APBB1: variants seen among roughly 807,000 people sequenced by gnomAD.
The protein encoded by APBB1 is adaptor protein FE65a2.
In APBB1, 22 loss-of-function variants were observed where a neutral mutation model predicts 78.4. The observed-to-expected ratio is 0.28, with a 90% CI of 0.20 to 0.40. The LOEUF is 0.40. Ranked by LOEUF, APBB1 falls within the 10% of genes least tolerant of loss-of-function variation. The pLI is 1.00. For missense variants in APBB1, 749 were observed against 932.4 expected (o/e 0.80, Z 2.56); for synonymous variants, 369 against 372.7 (o/e 0.99, Z 0.12).
intron 2 of APBB1, chr11:6,405,697 C>G (rs547745602): frequency 2.0e-6 from 2 of 985,574 alleles, no homozygotes; most frequent in East Asian, 2.3e-4. Flanking sequence ...AGGAGGGGCT[C>G]TTGCCCATCC....
chr11:6,412,985 C>A (rs924656240), intron 1 of APBB1, among the ~76,000 whole-genome samples: 2 of 152,096 alleles, frequency 1.3e-5, no homozygotes, highest in African/African-American at 4.8e-5. Context: ...TCCCAACTAT[C>A]CTTCCAGCCC....
intron 12 of APBB1, among the ~76,000 whole-genome samples, chr11:6,398,673 G>T (rs576460585): frequency 6.8e-4 from 104 of 152,246 alleles, no homozygotes; most frequent in African/African-American, 2.3e-3. Context: ...AAGGCGTAAG[G>T]GTCAGCATGC....
chr11:6,411,028 G>T lies in APBB1; in HGVS notation c.320C>A (p.Pro107His). The T allele has an allele frequency of 6.2e-7, 1 of 1,614,100 alleles. No individual in the cohort carries two copies. Among genetic ancestry groups the T allele is most frequent in the Non-Finnish European group, 8.5e-7 (1 of 1,180,036 alleles). ...EEASQEPEMA[P>H]LGPKGLIHLY... ...GTGTATCAGGCCTTTGGGGCCCAAGGGTGCCATCTCAGGCTCCTGGCTGGC... is the reference window on the plus strand; with the variant it reads ...GTGTATCAGGCCTTTGGGGCCCAAGTGTGCCATCTCAGGCTCCTGGCTGGC... Residue 107 changes from proline (P) to histidine (H), a missense_variant, in exon 2 of 15, where the codon CCC (proline) becomes CAC (histidine). Coordinates refer to ENST00000609360, the MANE Select transcript of APBB1 (RefSeq NM_001164.5). The surrounding 1 kb of genome is among the most constrained non-coding windows in gnomAD (Gnocchi z 5.2).
chr11:6,403,776 C>T lies in APBB1; in HGVS notation c.768G>A (p.Pro256=), dbSNP rs371736271. Residue 256 remains proline (P), a synonymous_variant, in exon 3 of 15, where the codon CCG becomes CCA. Transcript: ENST00000609360. The surrounding 1 kb of genome is among the most constrained non-coding windows in gnomAD (Gnocchi z 5.3). ...TGTCCTGGACCCTCATCCATCCAGC[C>T]GGCAGGTCGGAATCCGTCTCGAAGG... The part of the protein sequence containing the change: ...PNAFETDSDL[P]AGWMRVQDTS... 1.6e-5 allele frequency: 26 copies of T among 1,585,950 alleles called. No individual in the cohort carries two copies. The African/African-American group carries it at 2.0e-4, about 12-fold the overall frequency.
Position 6,396,150 on chromosome 11 carries a change from G to T in APBB1, c.1738C>A (p.Pro580Thr). The T allele has an allele frequency of 6.4e-7, 1 of 1,553,622 alleles. No individual in the cohort carries two copies. The highest frequency in any genetic ancestry group is 8.7e-7 in the Non-Finnish European group (1 of 1,148,108). ...LSSSSREQWT[P>T]SHVSVAPATL... The stretch of plus-strand genomic sequence containing the variant: ...GCAGGGGCCACACTGACATGACTTG[G>T]GGTCCATTGTTCACGGCTGCTGGAG... Residue 580 changes from proline (P) to threonine (T), a missense_variant, in exon 13 of 15, where the codon CCA (proline) becomes ACA (threonine). Pro to Thr is a conservative substitution (Grantham distance 38). Coordinates refer to ENST00000609360, the MANE Select transcript of APBB1 (RefSeq NM_001164.5).
At chr11:6,404,638 G>A (rs770305994) in intron 2 of APBB1, 68 of 1,536,080 alleles carry the variant, frequency 4.4e-5, no homozygotes, top group South Asian at 5.9e-5. Context: ...CTTGTCTGCC[G>A]GCAGAGCCAC....
At chr11:6,402,406 C>T in intron 7 of APBB1, 170 bp downstream of exon 7, 2 of 1,074,396 alleles carry the variant, frequency 1.9e-6, no homozygotes, top group South Asian at 3.1e-5. Context: ...AGGCGACTAT[C>T]TCCCAAGGTC....
chr11:6,404,393 G>A (rs1222349186), intron 2 of APBB1, among the ~76,000 whole-genome samples: 3 of 152,098 alleles, frequency 2.0e-5, no homozygotes, highest in Admixed American at 6.5e-5. Context: ...TGTGCATGCA[G>A]CTAAACATAC....
At chr11:6,416,127 C>A (rs1484432901) in intron 1 of APBB1, among the ~76,000 whole-genome samples, 1 of 152,198 alleles carries the variant, frequency 6.6e-6, no homozygotes, top group Non-Finnish European at 1.5e-5. Flanking sequence ...GTTGTCCTCC[C>A]AGCAGCATCT....
In APBB1 at chr11:6,411,862, C is replaced by T. The variant is rs1241361199; in HGVS notation, c.-14-501G>A. Among the ~76,000 whole-genome samples the T allele has an allele frequency of 6.6e-6, 1 of 152,130 alleles. No homozygotes were observed. Among genetic ancestry groups the T allele is most frequent in the African/African-American group, 2.4e-5 (1 of 41,414 alleles). ...CCATAAATCACTCAGCTCAACCAGC[C>T]CCCAAGCCCACCCCATACTAGGGAC... On this transcript the variant is annotated intron_variant, in intron 1 of 14. Transcript: ENST00000609360. The surrounding 1 kb of genome is among the most constrained non-coding windows in gnomAD (Gnocchi z 5.2).
At chr11:6,418,507 G>A (rs3793991) in intron 1 of APBB1, among the ~76,000 whole-genome samples, 1 of 152,234 alleles carries the variant, frequency 6.6e-6, no homozygotes, top group Non-Finnish European at 1.5e-5. Flanking sequence ...CTTCTAATCA[G>A]TGTTCTTGGC....
At chr11:6,404,585 T>G (rs768726596) in intron 2 of APBB1, 2 of 1,535,952 alleles carry the variant, frequency 1.3e-6, no homozygotes, top group African/African-American at 2.7e-5. Flanking sequence ...CAAGCAAACA[T>G]GTCATGCACA....
At chr11:6,405,303 C>A in intron 2 of APBB1, 1 of 989,180 alleles carries the variant, frequency 1.0e-6, no homozygotes, top group Non-Finnish European at 1.2e-6. Flanking sequence ...GCAGTTTGAA[C>A]CCAAGGGTGG....
rs1403762241 is a variant in APBB1, at chr11:6,410,955, G to C, written c.393C>G (p.Gly131=). ...ELSAHNAANR[G]LRGPGLIIST... ...TGATGATCAGGCCAGGTCCTCGTAG[G>C]CCTCGGTTGGCTGCGTTGTGAGCTG... The change falls in exon 2 of 15, where the codon GGC becomes GGG. Residue 131 remains glycine (G), a synonymous_variant. Coordinates refer to ENST00000609360, the MANE Select transcript of APBB1 (RefSeq NM_001164.5). 6.2e-7 allele frequency: 1 copy of C among 1,614,058 alleles called. No homozygotes were observed. The highest frequency in any genetic ancestry group is 8.5e-7 in the Non-Finnish European group (1 of 1,180,048).
chr11:6,400,962 C>T, intron 12 of APBB1, 27 bp downstream of exon 12: 1 of 1,604,384 alleles, frequency 6.2e-7, no homozygotes, highest in Non-Finnish European at 8.5e-7. Flanking sequence ...AAGGTAGCAG[C>T]CCCTGGGTAT....
chr11:6,405,100 T>C, intron 2 of APBB1: 1 of 1,349,382 alleles, frequency 7.4e-7, no homozygotes, highest in Non-Finnish European at 9.5e-7. Flanking sequence ...CCTCCCCCAA[T>C]CCTGAATCTC....
intron 2 of APBB1, chr11:6,404,664 T>C (rs1294919834): frequency 1.3e-6 from 2 of 1,536,294 alleles, no homozygotes; most frequent in Non-Finnish European, 1.7e-6. Flanking sequence ...TCCAACCCTG[T>C]AACCCGCTCA....
Position 6,395,469 on chromosome 11 carries a change from C to T in APBB1, c.*65G>A. The T allele has an allele frequency of 6.8e-7, 1 of 1,468,816 alleles. No homozygotes were observed. Among genetic ancestry groups the T allele is most frequent in the South Asian group, 1.4e-5 (1 of 69,498 alleles). The allele number at this position is 1,468,816 out of a possible 1,614,324, so 91.0% of individuals were successfully genotyped here. ...CTAGGAATAGCCTCTAGACCCCTCC[C>T]TGACCCACACCCTTTAGTTCCCTGG... On this transcript the variant is annotated 3_prime_UTR_variant, in exon 15 of 15. Transcript: ENST00000609360. The surrounding 1 kb of genome is among the most constrained non-coding windows in gnomAD (Gnocchi z 5.2).
At chr11:6,404,911 C>T in intron 2 of APBB1, 1 of 1,483,418 alleles carries the variant, frequency 6.7e-7, no homozygotes, top group Non-Finnish European at 8.9e-7. Flanking sequence ...ATCCCGCCCC[C>T]TTCTCACCAG....
Sources: gnomAD v4.1 joint callset for allele counts (sites outside exome capture counted in the v4.1 genomes callset) on GRCh38, gnomAD v4.1.1 for gene constraint, Gnocchi (gnomAD v3.1) non-coding constraint, MANE v1.5 for transcripts, NCBI Gene and HGNC (gene_info 2026-07-23, HGNC 2026-07-21) for gene names.